Variants in SYNE2 observed in about 807,000 individuals in gnomAD.
SYNE2 encodes spectrin repeat containing nuclear envelope protein 2.
Under a neutral mutation model 856.3 loss-of-function variants are expected in SYNE2, and 431 were observed. The ratio of observed to expected loss-of-function variants is 0.50; its 90% CI spans 0.47 to 0.55. The LOEUF is 0.55. Ranked by LOEUF, SYNE2 falls within the 20% of genes least tolerant of loss-of-function variation. The probability of loss-of-function intolerance (pLI) is 0.00; values close to 1 mark genes in which losing one functional copy is unlikely to be tolerated. For missense variants in SYNE2, 8,129 were observed against 8,023.2 expected (o/e 1.01, Z -0.50); for synonymous variants, 2,923 against 2,872.3 (o/e 1.02, Z -0.56).
At chr14:63,989,565 T>C (rs1204804449) in intron 19 of SYNE2, among the ~76,000 whole-genome samples, 1 of 152,186 alleles carries the variant, frequency 6.6e-6, no homozygotes, top group Non-Finnish European at 1.5e-5. Context: ...CTCAAACTCC[T>C]GACCTCAACT....
intron 1 of SYNE2, among the ~76,000 whole-genome samples, chr14:63,841,052 G>A (rs1890051522): frequency 1.3e-5 from 2 of 151,676 alleles, no homozygotes; most frequent in South Asian, 4.2e-4. Context: ...AAAAACTGTG[G>A]AAAGGAGACA....
intron 57 of SYNE2, among the ~76,000 whole-genome samples, chr14:64,082,278 T>G (rs754042246): frequency 2.6e-5 from 4 of 152,118 alleles, no homozygotes; most frequent in Non-Finnish European, 4.4e-5. Flanking sequence ...GGTAATGGGG[T>G]AGTCACTCCC....
chr14:64,140,992 G>A (rs1355670458), intron 80 of SYNE2, among the ~76,000 whole-genome samples: 1 of 151,896 alleles, frequency 6.6e-6, no homozygotes, highest in African/African-American at 2.4e-5. Context: ...TTCTACATAG[G>A]AAAGATTTAA....
chr14:63,911,660 T>G (rs2095475538), intron 2 of SYNE2, among the ~76,000 whole-genome samples: 1 of 152,186 alleles, frequency 6.6e-6, no homozygotes. Flanking sequence ...TACCATACCC[T>G]CTTTGTTACA....
chr14:63,797,740 C>T (rs115005660), intron 1 of SYNE2, among the ~76,000 whole-genome samples: 3,546 of 152,312 alleles, frequency 0.023, 50 homozygotes, highest in Middle Eastern at 0.068. Context: ...CCACGCCCAG[C>T]CAGATGTAAT....
At chr14:63,936,024 A>G (rs558240891) in intron 2 of SYNE2, among the ~76,000 whole-genome samples, 20 of 152,012 alleles carry the variant, frequency 1.3e-4, no homozygotes, top group Admixed American at 8.5e-4. Flanking sequence ...ACAGGTGCCC[A>G]CCACCATGCC....
At chr14:63,898,610 G>T (rs1312742115) in intron 1 of SYNE2, among the ~76,000 whole-genome samples, 9 of 151,702 alleles carry the variant, frequency 5.9e-5, no homozygotes, top group Admixed American at 5.9e-4. Flanking sequence ...TTTGCTAGTT[G>T]CCCAGGCTGG....
In SYNE2 at chr14:63,993,906, T is replaced by C; in HGVS notation, c.2718T>C (p.Asn906=). 2 of 1,613,224 alleles carry C rather than the reference T, an allele frequency of 1.2e-6. No individual in the cohort carries two copies. The highest frequency in any genetic ancestry group is 1.7e-6 in the Non-Finnish European group (2 of 1,179,424). ...AAGCTGTTGAAGAACTAAAAAATAA[T>C]GTAACTGAGGACATAAAGATGTCTT... ...YLKAVEELKN[N]VTEDIKMSLE... is the part of the protein sequence containing the mutation. The change falls in exon 22 of 116, where the codon AAT becomes AAC. Residue 906 remains asparagine, a synonymous_variant. Coordinates refer to ENST00000555002, the MANE Select transcript of SYNE2 (RefSeq NM_182914.3).
chr14:63,811,493 G>C (rs1888614620), intron 1 of SYNE2, among the ~76,000 whole-genome samples: 1 of 151,954 alleles, frequency 6.6e-6, no homozygotes, highest in Non-Finnish European at 1.5e-5. Context: ...GAATTCCTAG[G>C]CTCAAGTAAT....
chr14:63,986,503 A>G lies in SYNE2; in HGVS notation c.2199A>G (p.Leu733=), dbSNP rs1023461592. ...EKENEEFTGQ[L]KVAKDVEKLI... ...AAAATGAAGAATTCACAGGGCAACTAAAAGTGGCTAAAGATGTTGAAAAAC... is the reference window on the plus strand; with the variant it reads ...AAAATGAAGAATTCACAGGGCAACTGAAAGTGGCTAAAGATGTTGAAAAAC... The change falls in exon 19 of 116, where the codon CTA becomes CTG. Residue 733 remains leucine (L), a synonymous_variant. Transcript: ENST00000555002. 2 of 1,614,184 alleles carry G rather than the reference A, an allele frequency of 1.2e-6. No individual in the cohort carries two copies. Among genetic ancestry groups the G allele is most frequent in the South Asian group, 1.1e-5 (1 of 91,076 alleles).
chr14:63,970,654 T>TC (rs975177826), intron 11 of SYNE2, among the ~76,000 whole-genome samples: 2 of 70,780 alleles, frequency 2.8e-5, no homozygotes, highest in Non-Finnish European at 6.1e-5. Context: ...CTTTTTTCTT[T>TC]TTTTTTTTTT....
intron 1 of SYNE2, among the ~76,000 whole-genome samples, chr14:63,823,630 T>C (rs567694982): frequency 0.014 from 2,079 of 151,986 alleles, 45 homozygotes; most frequent in African/African-American, 0.047. Flanking sequence ...AACATTTTTT[T>C]TTTTTTTTGT....
chr14:63,783,441 G>C (rs1360061187), intron 1 of SYNE2, among the ~76,000 whole-genome samples: 1 of 151,956 alleles, frequency 6.6e-6, no homozygotes, highest in Non-Finnish European at 1.5e-5. Flanking sequence ...GCAGTGGCGC[G>C]ATCTTGGCTC....
chr14:63,827,625 CAAAAAAA>C (rs11334415), intron 1 of SYNE2, among the ~76,000 whole-genome samples: 5 of 28,410 alleles, frequency 1.8e-4, no homozygotes, highest in South Asian at 1.5e-3. Context: ...AACTCTGTCT[CAAAAAAA>C]AAAAAAAAAA....
At chr14:63,918,622 C>A (rs1313614486) in intron 2 of SYNE2, among the ~76,000 whole-genome samples, 1 of 152,164 alleles carries the variant, frequency 6.6e-6, no homozygotes, top group Non-Finnish European at 1.5e-5. Context: ...GTTGGGCGAG[C>A]ATGGGAGGGA....
Position 64,220,547 on chromosome 14 carries a change from A to T in SYNE2, c.19971A>T (p.Arg6657Ser). Residue 6657 changes from arginine (R) to serine (S), a missense_variant, in exon 111 of 116, where the codon AGA becomes AGT. Coordinates refer to ENST00000555002, the MANE Select transcript of SYNE2 (RefSeq NM_182914.3). ...CCGAATCCACAGAGCTCCAAAGTAGACTCCGCCAGCTGAGCCTGCTCTGGG... is the reference window on the plus strand; with the variant it reads ...CCGAATCCACAGAGCTCCAAAGTAGTCTCCGCCAGCTGAGCCTGCTCTGGG... ...ESPESTELQS[R>S]LRQLSLLWEA... 1.2e-6 allele frequency: 2 copies of T among 1,613,906 alleles called. No individual in the cohort carries two copies. The highest frequency in any genetic ancestry group is 1.7e-6 in the Non-Finnish European group (2 of 1,179,986).
chr14:64,128,640 G>C (rs1488535781), intron 74 of SYNE2, 87 bp downstream of exon 74: 4 of 827,126 alleles, frequency 4.8e-6, no homozygotes, highest in Non-Finnish European at 8.6e-6. Context: ...ACTTTCCTTT[G>C]TGAGCAGCAG....
chr14:63,929,382 A>G lies in SYNE2; in HGVS notation c.80-11232A>G, dbSNP rs1021746955. Among the ~76,000 whole-genome samples, 36 of 152,372 alleles carry G rather than the reference A, an allele frequency of 2.4e-4. 1 individual carries two copies. Among genetic ancestry groups the G allele is most frequent in the African/African-American group, 8.7e-4 (36 of 41,592 alleles). Reference sequence around the variant, plus strand: ...ACCAATAACAAATAAGTAATATAGTATCATTTACACATTGTAAATCTAAAG... The same window carrying G: ...ACCAATAACAAATAAGTAATATAGTGTCATTTACACATTGTAAATCTAAAG... On this transcript the variant is annotated intron_variant, in intron 2 of 115. Transcript: ENST00000555002.
At chr14:63,961,411 G>C (rs1485530445) in intron 8 of SYNE2, 114 bp from the exon 9 acceptor site, 2 of 831,440 alleles carry the variant, frequency 2.4e-6, no homozygotes, top group East Asian at 2.7e-5. Flanking sequence ...TGACTACTTT[G>C]GTGCATTTCC....
Sources: allele counts gnomAD v4.1 joint callset (sites outside exome capture counted in the v4.1 genomes callset), GRCh38; gene constraint gnomAD v4.1.1; transcripts MANE v1.5; gene names NCBI Gene and HGNC (gene_info 2026-07-23, HGNC 2026-07-21).